Variants in FNBP1L observed in about 807,000 individuals in gnomAD.
FNBP1L encodes the protein formin-binding protein 1-like.
A neutral mutation model predicts 91.2 loss-of-function variants in FNBP1L; 36 were observed. The ratio of observed to expected loss-of-function variants is 0.39; its 90% CI spans 0.30 to 0.52. The LOEUF is 0.52. Ranked by LOEUF, FNBP1L falls within the 20% of genes least tolerant of loss-of-function variation. FNBP1L has a pLI of 0.66. For missense variants in FNBP1L, 571 were observed against 732.1 expected, an observed-to-expected ratio of 0.78 and a Z score of 2.54; for synonymous variants, 242 against 237.0, an observed-to-expected ratio of 1.02 and a Z score of -0.19.
At chr1:93,484,131 G>A (rs1458754294) in intron 1 of FNBP1L, among the ~76,000 whole-genome samples, 1 of 152,190 alleles carries the variant, frequency 6.6e-6, no homozygotes, top group Non-Finnish European at 1.5e-5. Flanking sequence ...GTTTCACTAT[G>A]TTGGGCAGGC....
intron 1 of FNBP1L, among the ~76,000 whole-genome samples, chr1:93,498,965 T>C (rs1422571473): frequency 1.3e-5 from 2 of 152,184 alleles, no homozygotes; most frequent in Non-Finnish European, 1.5e-5. Flanking sequence ...TTTGTCCAGT[T>C]AAATAATTCT....
intron 1 of FNBP1L, among the ~76,000 whole-genome samples, chr1:93,492,984 T>C (rs140454340): frequency 4.0e-3 from 615 of 152,198 alleles, no homozygotes; most frequent in Middle Eastern, 6.8e-3. Flanking sequence ...CTTCCCCCTC[T>C]AAGAAATTAT....
chr1:93,477,100 A>G (rs930286320), intron 1 of FNBP1L, among the ~76,000 whole-genome samples: 2 of 152,224 alleles, frequency 1.3e-5, no homozygotes, highest in East Asian at 3.8e-4. Context: ...TTGCATTTTG[A>G]AAAGATCACT....
At chr1:93,533,387 T>G (rs1054710271) in intron 8 of FNBP1L, among the ~76,000 whole-genome samples, 15 of 152,180 alleles carry the variant, frequency 9.9e-5, no homozygotes, top group African/African-American at 3.6e-4. Context: ...AGTGAAAATT[T>G]AGAGAAGTAT....
chr1:93,527,653 A>T (rs536542833), intron 5 of FNBP1L, among the ~76,000 whole-genome samples: 1 of 152,140 alleles, frequency 6.6e-6, no homozygotes, highest in Non-Finnish European at 1.5e-5. Context: ...CTCCCTGGCC[A>T]TGTCACCCTA....
intron 1 of FNBP1L, among the ~76,000 whole-genome samples, chr1:93,461,013 A>G (rs1173584070): frequency 6.6e-6 from 1 of 152,076 alleles, no homozygotes; most frequent in Non-Finnish European, 1.5e-5. Flanking sequence ...GTAACCTCCA[A>G]GTTTGCATTT....
At chr1:93,550,226 A>G (rs551215884) in intron 15 of FNBP1L, among the ~76,000 whole-genome samples, 21 of 152,296 alleles carry the variant, frequency 1.4e-4, no homozygotes, top group African/African-American at 4.8e-4. Flanking sequence ...ATGTGTGCCT[A>G]TAGTCCCAGA....
At chr1:93,510,366 T>C (rs145762033) in intron 2 of FNBP1L, among the ~76,000 whole-genome samples, 6 of 151,698 alleles carry the variant, frequency 4.0e-5, no homozygotes, top group South Asian at 4.2e-4. Context: ...CTCACACGGC[T>C]GGGTACTCCA....
intron 1 of FNBP1L, among the ~76,000 whole-genome samples, chr1:93,475,472 G>A (rs1557781295): frequency 6.6e-6 from 1 of 152,068 alleles, no homozygotes; most frequent in Non-Finnish European, 1.5e-5. Context: ...CTGGGAGGTC[G>A]AGGCTGCAGT....
chr1:93,472,326 T>C lies in FNBP1L; in HGVS notation c.24+24021T>C, dbSNP rs563032703. ...TAATGATTTTTGAATACTTAAGCAG[T>C]GCATTTCACATTTTTGGGTTCAGAG... On this transcript the variant is annotated intron_variant, in intron 1 of 16. Transcript: ENST00000271234. 6.6e-5 allele frequency among the ~76,000 whole-genome samples: 10 copies of C among 152,318 alleles called. No individual in the cohort carries two copies. The East Asian group carries it at 1.7e-3, about 26-fold the overall frequency.
chr1:93,542,889 T>G (rs1672099425), intron 11 of FNBP1L, among the ~76,000 whole-genome samples: 1 of 151,798 alleles, frequency 6.6e-6, no homozygotes. Context: ...GTTCAAGTGA[T>G]TCTCCTGCCT....
At chr1:93,522,924 T>C (rs1329281430) in intron 3 of FNBP1L, among the ~76,000 whole-genome samples, 1 of 152,128 alleles carries the variant, frequency 6.6e-6, no homozygotes, top group Non-Finnish European at 1.5e-5. Context: ...TGTCCAGAGC[T>C]GATAGCAAAA....
At chr1:93,542,181 C>T (rs1039802062) in intron 11 of FNBP1L, among the ~76,000 whole-genome samples, 2 of 151,854 alleles carry the variant, frequency 1.3e-5, no homozygotes, top group South Asian at 2.1e-4. Context: ...GAGGCTAAGG[C>T]GGGAGGATTG....
At chr1:93,460,738 T>C (rs1668832322) in intron 1 of FNBP1L, among the ~76,000 whole-genome samples, 1 of 152,106 alleles carries the variant, frequency 6.6e-6, no homozygotes, top group South Asian at 2.1e-4. Context: ...GTTGAACTCA[T>C]AGGAACAGAG....
chr1:93,535,110 A>G (rs545705434), intron 9 of FNBP1L, among the ~76,000 whole-genome samples: 8 of 152,152 alleles, frequency 5.3e-5, no homozygotes, highest in Admixed American at 2.0e-4. Flanking sequence ...CCGCTTAATA[A>G]TGGGTAAGAG....
chr1:93,546,549 T>A (rs778049892), intron 12 of FNBP1L, among the ~76,000 whole-genome samples: 1 of 152,044 alleles, frequency 6.6e-6, no homozygotes, highest in Non-Finnish European at 1.5e-5. Flanking sequence ...CAGCCCTTGA[T>A]TTTGTGTGTG....
At chr1:93,550,813 G>C in intron 15 of FNBP1L, 134 bp from the exon 16 acceptor site, 2 of 818,308 alleles carry the variant, frequency 2.4e-6, no homozygotes, top group Non-Finnish European at 3.6e-6. Flanking sequence ...CAATAGAGAT[G>C]TTGCTAGTGA....
At chr1:93,502,149 C>T (rs1670458653) in intron 2 of FNBP1L, among the ~76,000 whole-genome samples, 1 of 152,094 alleles carries the variant, frequency 6.6e-6, no homozygotes, top group African/African-American at 2.4e-5. Flanking sequence ...TTTGTATATA[C>T]AGTTACATAT....
At chr1:93,547,500 C>T in intron 14 of FNBP1L, 59 bp downstream of exon 14, 1 of 1,403,248 alleles carries the variant, frequency 7.1e-7, no homozygotes, top group South Asian at 1.3e-5. Flanking sequence ...CCCTTTTGTC[C>T]TAAACTTTAT....
Sources: allele counts gnomAD v4.1 joint callset (sites outside exome capture counted in the v4.1 genomes callset), GRCh38; gene constraint gnomAD v4.1.1; transcripts MANE v1.5; gene names NCBI Gene and HGNC (gene_info 2026-07-23, HGNC 2026-07-21).